Variants in CDH18 observed in about 807,000 individuals in gnomAD.
The protein encoded by CDH18 is cadherin-18.
Under a neutral mutation model 67.9 loss-of-function variants are expected in CDH18, and 31 were observed. That is an observed-to-expected ratio of 0.46 (90% CI 0.34 to 0.62). The LOEUF is 0.62. CDH18 is among the 20% of genes least tolerant of loss of function. The pLI is 0.01. For synonymous variants in CDH18, 362 were observed against 347.2 expected, an observed-to-expected ratio of 1.04 and a Z score of -0.48; for missense variants, 890 against 975.5, an observed-to-expected ratio of 0.91 and a Z score of 1.17.
chr5:19,597,832 C>T (rs563733309), intron 6 of CDH18, among the ~76,000 whole-genome samples: 1 of 152,194 alleles, frequency 6.6e-6, no homozygotes, highest in Admixed American at 6.5e-5. Context: ...TGTGTTTCCA[C>T]AAATACATAT....
chr5:19,595,644 T>G (rs1746052458), intron 6 of CDH18, among the ~76,000 whole-genome samples: 1 of 152,072 alleles, frequency 6.6e-6, no homozygotes, highest in South Asian at 2.1e-4. Flanking sequence ...AATCATTTGA[T>G]AAACTTCTAA....
intron 2 of CDH18, among the ~76,000 whole-genome samples, chr5:19,994,675 A>G (rs1342010672): frequency 1.6e-5 from 2 of 122,032 alleles, no homozygotes; most frequent in Non-Finnish European, 3.3e-5. Flanking sequence ...TTCTCAGTCT[A>G]CCAAGTCAAA....
At chr5:20,336,369 A>AT (rs1435428577) in intron 1 of CDH18, among the ~76,000 whole-genome samples, 2 of 152,156 alleles carry the variant, frequency 1.3e-5, no homozygotes, top group Non-Finnish European at 2.9e-5. Flanking sequence ...GTTCACAGGA[A>AT]TAACCACAGG....
At chr5:20,104,330 A>G (rs574842869) in intron 2 of CDH18, among the ~76,000 whole-genome samples, 2 of 152,238 alleles carry the variant, frequency 1.3e-5, no homozygotes, top group South Asian at 4.1e-4. Context: ...GGTATGGGAT[A>G]GAGAAATGTA....
At chr5:19,590,170 A>G (rs1043985178) in intron 7 of CDH18, among the ~76,000 whole-genome samples, 1 of 152,210 alleles carries the variant, frequency 6.6e-6, no homozygotes, top group South Asian at 2.1e-4. Context: ...AAATAAATAC[A>G]TTTGTTAAAT....
intron 5 of CDH18, among the ~76,000 whole-genome samples, chr5:19,638,977 G>GTTTGTTTTTTT (rs1753589780): frequency 1.8e-5 from 1 of 54,686 alleles, no homozygotes; most frequent in East Asian, 7.3e-4. Context: ...TTTTGTTGCT[G>GTTTGTTTTTTT]TTTTTTTTTT....
At chr5:20,043,102 A>G (rs917035352) in intron 2 of CDH18, among the ~76,000 whole-genome samples, 3 of 151,858 alleles carry the variant, frequency 2.0e-5, no homozygotes, top group African/African-American at 7.2e-5. Context: ...GTATTGGGGG[A>G]TGTTTAGCAG....
chr5:20,117,358 T>C (rs1372883439), intron 2 of CDH18, among the ~76,000 whole-genome samples: 2 of 152,160 alleles, frequency 1.3e-5, no homozygotes, highest in Admixed American at 6.5e-5. Flanking sequence ...CTAATTTCCC[T>C]TCAATTAATT....
chr5:19,956,352 T>C (rs1340800193), intron 2 of CDH18, among the ~76,000 whole-genome samples: 1 of 151,938 alleles, frequency 6.6e-6, no homozygotes, highest in Non-Finnish European at 1.5e-5. Context: ...CTAAATAATT[T>C]ATTTGTGGGA....
At chr5:19,921,403 C>T (rs558415911) in intron 2 of CDH18, among the ~76,000 whole-genome samples, 3 of 151,778 alleles carry the variant, frequency 2.0e-5, no homozygotes, top group Admixed American at 6.6e-5. Context: ...TGGTGGCGGG[C>T]ACCTGTAGTC....
At chr5:19,935,115 G>A (rs938098038) in intron 2 of CDH18, among the ~76,000 whole-genome samples, 1 of 151,022 alleles carries the variant, frequency 6.6e-6, no homozygotes, top group Admixed American at 6.6e-5. Flanking sequence ...CTCTTTGTCC[G>A]GCACCTCCAG....
intron 2 of CDH18, among the ~76,000 whole-genome samples, chr5:20,145,871 C>T (rs949418986): frequency 2.6e-5 from 4 of 152,116 alleles, no homozygotes; most frequent in Admixed American, 6.6e-5. Context: ...TTATATCACC[C>T]TCACACATTT....
chr5:20,232,794 T>C (rs1341745918), intron 2 of CDH18, among the ~76,000 whole-genome samples: 1 of 152,094 alleles, frequency 6.6e-6, no homozygotes, highest in Non-Finnish European at 1.5e-5. Context: ...TTTAACCATA[T>C]ATGCTACATT....
chr5:20,566,713 A>AT (rs964070462), intron 1 of CDH18, among the ~76,000 whole-genome samples: 10 of 151,696 alleles, frequency 6.6e-5, no homozygotes, highest in Admixed American at 1.3e-4. Flanking sequence ...TACATGTGTG[A>AT]TTTTTTTGGC....
chr5:19,660,205 G>A (rs1320086541), intron 5 of CDH18, among the ~76,000 whole-genome samples: 1 of 151,962 alleles, frequency 6.6e-6, no homozygotes, highest in Non-Finnish European at 1.5e-5. Flanking sequence ...ATTTTTTGCA[G>A]TGAAACACTG....
chr5:19,963,597 A>C (rs1418236449), intron 2 of CDH18, among the ~76,000 whole-genome samples: 2 of 152,050 alleles, frequency 1.3e-5, no homozygotes, highest in Non-Finnish European at 2.9e-5. Flanking sequence ...CTCTCCTGCT[A>C]TCATGTGAAG....
intron 2 of CDH18, among the ~76,000 whole-genome samples, chr5:19,918,250 C>A (rs554511123): frequency 6.6e-6 from 1 of 152,238 alleles, no homozygotes; most frequent in African/African-American, 2.4e-5. Flanking sequence ...TCCAACATGA[C>A]AACAATTTGA....
At chr5:19,535,686 A>C (rs751065831) in intron 9 of CDH18, among the ~76,000 whole-genome samples, 2 of 152,172 alleles carry the variant, frequency 1.3e-5, no homozygotes, top group African/African-American at 2.4e-5. Flanking sequence ...ATGAATAAAG[A>C]AAACACAAAC....
intron 5 of CDH18, among the ~76,000 whole-genome samples, chr5:19,689,065 G>T (rs900384595): frequency 2.0e-5 from 3 of 151,880 alleles, no homozygotes; most frequent in Non-Finnish European, 4.4e-5. Flanking sequence ...TTTAAATTTG[G>T]GATGTTCCAA....
Sources: gnomAD v4.1 joint callset for allele counts (sites outside exome capture counted in the v4.1 genomes callset) on GRCh38, gnomAD v4.1.1 for gene constraint, MANE v1.5 for transcripts, NCBI Gene and HGNC (gene_info 2026-07-23, HGNC 2026-07-21) for gene names.